RPL35: variants seen among roughly 807,000 people sequenced by gnomAD.
The protein encoded by RPL35 is large ribosomal subunit protein uL29.
In RPL35, 2 loss-of-function variants were observed where a neutral mutation model predicts 15.6. That is an observed-to-expected ratio of 0.13 (90% CI 0.05 to 0.40). The LOEUF (loss-of-function observed/expected upper bound fraction) is 0.40, where lower values mean the gene tolerates loss of function less well. Among genes scored for constraint, RPL35 ranks in the 10% least tolerant of loss-of-function variants. The pLI is 0.99. For synonymous variants in RPL35, 93 were observed against 67.9 expected, an observed-to-expected ratio of 1.37 and a Z score of -1.82; for missense variants, 111 against 164.7, an observed-to-expected ratio of 0.67 and a Z score of 1.79.
chr9:124,860,601 G>T (rs191352271), intron 2 of RPL35, among the ~76,000 whole-genome samples: 98 of 152,310 alleles, frequency 6.4e-4, no homozygotes, highest in African/African-American at 2.2e-3. Flanking sequence ...CAGGCAATCA[G>T]GCTAGCTTAG....
At chr9:124,859,694 G>A (rs570578343) in intron 3 of RPL35, among the ~76,000 whole-genome samples, 32 of 152,248 alleles carry the variant, frequency 2.1e-4, no homozygotes, top group Non-Finnish European at 1.6e-4. Flanking sequence ...CTAAGAGGGG[G>A]CCAGACACCT....
chr9:124,858,757 T>C (rs547043532), intron 3 of RPL35, among the ~76,000 whole-genome samples: 12 of 152,352 alleles, frequency 7.9e-5, no homozygotes, highest in African/African-American at 2.4e-4. Context: ...TGGGCCCCCT[T>C]CAGGACTGGG....
intron 1 of RPL35, 91 bp downstream of exon 1, chr9:124,861,819 G>A (rs571936665): frequency 1.4e-4 from 211 of 1,521,280 alleles, no homozygotes; most frequent in Non-Finnish European, 1.7e-4. Flanking sequence ...GGCCTAGGTG[G>A]CAGATAGAAT....
intron 1 of RPL35, 101 bp downstream of exon 1, chr9:124,861,809 G>A (rs778512958): frequency 1.3e-6 from 2 of 1,491,514 alleles, no homozygotes; most frequent in Non-Finnish European, 1.8e-6. Flanking sequence ...GCGCCCCACA[G>A]GCCTAGGTGG....
rs747337251 is a variant in RPL35 at position 124,861,903 on chromosome 9, C to T, written c.3+7G>A. ...GCTCGGATGGCGCCCGATTCCGCAG[C>T]TCTCACCATTGCTGCACAAGCCGCC... On this transcript the variant is annotated splice_region_variant and intron_variant, in intron 1 of 3. Coordinates refer to ENST00000348462, the MANE Select transcript of RPL35 (RefSeq NM_007209.4). The T allele has an allele frequency of 1.9e-6, 3 of 1,604,010 alleles. No homozygotes were observed. Among genetic ancestry groups the T allele is most frequent in the South Asian group, 2.2e-5 (2 of 90,020 alleles).
chr9:124,860,398 C>T (rs561493334), intron 2 of RPL35, 134 bp from the exon 3 acceptor site: 1 of 749,716 alleles, frequency 1.3e-6, no homozygotes, highest in Non-Finnish European at 2.4e-6. Context: ...GGAAGGCGTT[C>T]TGGGAGTGAG....
In RPL35 at chr9:124,861,198, C is replaced by T; in HGVS notation, c.140+221G>A. On this transcript the variant is annotated intron_variant, in intron 2 of 3. Coordinates refer to ENST00000348462, the MANE Select transcript of RPL35 (RefSeq NM_007209.4). ...AAGGGGTCCGGGTAGGCTTTGAAGGCAGCATTAAGATGGGTCTCCGGGGAT... is the reference window on the plus strand; with the variant it reads ...AAGGGGTCCGGGTAGGCTTTGAAGGTAGCATTAAGATGGGTCTCCGGGGAT... The T allele has an allele frequency of 7.3e-6, 4 of 551,252 alleles. No homozygotes were observed. The South Asian group carries it at 7.5e-5, about 10-fold the overall frequency. 34.1% of individuals were successfully genotyped at this position (551,252 alleles called of 1,614,324 possible).
chr9:124,860,068 G>T, intron 3 of RPL35, 115 bp downstream of exon 3: 1 of 767,614 alleles, frequency 1.3e-6, no homozygotes, highest in Non-Finnish European at 2.3e-6. Flanking sequence ...AAATTGGGAA[G>T]GCTAACCACT....
intron 1 of RPL35, 44 bp from the exon 2 acceptor site, chr9:124,861,599 T>C (rs1345692320): frequency 1.2e-6 from 2 of 1,604,674 alleles, no homozygotes; most frequent in African/African-American, 1.3e-5. Flanking sequence ...CGCGGGGCCA[T>C]ATCCCCTTCA....
chr9:124,861,752 C>A (rs976901392), intron 1 of RPL35, 158 bp downstream of exon 1: 97 of 1,334,446 alleles, frequency 7.3e-5, no homozygotes, highest in Non-Finnish European at 9.7e-5. Flanking sequence ...CCTCTCCCGG[C>A]GCCAAGCGAA....
Position 124,858,669 on chromosome 9 carries a change from GCC to G in RPL35, c.223-604_223-603del. 4.9e-6 allele frequency: 3 copies of G among 616,622 alleles called. No individual in the cohort carries two copies. In the South Asian group the frequency reaches 5.7e-5, roughly 12 times the overall value. 38.2% of individuals were successfully genotyped at this position (616,622 alleles called of 1,614,324 possible). A position where few individuals can be genotyped will look rare whatever the true frequency, so the allele number is the denominator to read the frequency against. On this transcript the variant is annotated intron_variant, in intron 3 of 3. Coordinates refer to ENST00000348462, the MANE Select transcript of RPL35 (RefSeq NM_007209.4). ...CTTTCCATCCTTGGCTCCCACTCCT[GCC>G]CCACTTGTTCTCCAGCAGGGGGTTC...
chr9:124,860,314 C>G, intron 2 of RPL35, 50 bp from the exon 3 acceptor site: 1 of 1,452,750 alleles, frequency 6.9e-7, no homozygotes, highest in Non-Finnish European at 9.7e-7. Flanking sequence ...TAGCACTACC[C>G]AAGACTCAGG....
At position 124,861,950 on chromosome 9, in the gene RPL35, G is replaced by T; in HGVS notation, c.-38C>A. 3.8e-6 allele frequency: 6 copies of T among 1,594,844 alleles called. No individual in the cohort carries two copies. The highest frequency in any genetic ancestry group is 1.1e-5 in the South Asian group (1 of 88,598). On this transcript the variant is annotated 5_prime_UTR_variant, in exon 1 of 4. Coordinates refer to ENST00000348462, the MANE Select transcript of RPL35 (RefSeq NM_007209.4). ...CGCCAACGCCGCCGCCCGCTCCGAG[G>T]GAAAGAGGAAGTAGGCGGGGCTGAC...
rs1262559579 is a variant in RPL35, at chr9:124,861,943, C to T, written c.-31G>A. On this transcript the variant is annotated 5_prime_UTR_variant, in exon 1 of 4. Coordinates refer to ENST00000348462, the MANE Select transcript of RPL35 (RefSeq NM_007209.4). ...CACAAGCCGCCAACGCCGCCGCCCG[C>T]TCCGAGGGAAAGAGGAAGTAGGCGG... The T allele has an allele frequency of 6.3e-7, 1 of 1,597,632 alleles. No individual in the cohort carries two copies. Among genetic ancestry groups the T allele is most frequent in the African/African-American group, 1.3e-5 (1 of 74,126 alleles).
At chr9:124,861,695 C>A in intron 1 of RPL35, 140 bp from the exon 2 acceptor site, 1 of 1,381,552 alleles carries the variant, frequency 7.2e-7, no homozygotes, top group East Asian at 2.4e-5. Flanking sequence ...GACAGTCTCC[C>A]TCGCCGGCCG....
intron 1 of RPL35, 45 bp downstream of exon 1, chr9:124,861,865 C>A: frequency 6.2e-7 from 1 of 1,600,118 alleles, no homozygotes. Flanking sequence ...CCCCAACCCC[C>A]GCGCCTCACA....
In RPL35 at chr9:124,860,239, G is replaced by C; in HGVS notation, c.166C>G (p.Arg56Gly). The change falls in exon 3 of 4, where the codon CGT becomes GGT. Residue 56 changes from arginine (R) to glycine (G), a missense_variant. Transcript: ENST00000348462. ...KIRVVRKSIA[R>G]VLTVINQTQK... is the part of the protein sequence containing the mutation. Reference sequence around the variant, plus strand: ...GTCTGGTTAATAACTGTGAGAACACGGGCAATGGATTTCCGGACGACTCGG... The same window carrying C: ...GTCTGGTTAATAACTGTGAGAACACCGGCAATGGATTTCCGGACGACTCGG... The C allele has an allele frequency of 6.2e-7, 1 of 1,614,002 alleles. No homozygotes were observed. Among genetic ancestry groups the C allele is most frequent in the East Asian group, 2.2e-5 (1 of 44,890 alleles).
At chr9:124,861,084 T>C (rs1474724953) in intron 2 of RPL35, 1 of 275,128 alleles carries the variant, frequency 3.6e-6, no homozygotes, top group Non-Finnish European at 7.0e-6. Flanking sequence ...CTCTTAGCCA[T>C]GTAAAATAAC....
At position 124,860,189 on chromosome 9, in the gene RPL35, G is replaced by C; in HGVS notation, c.216C>G (p.Phe72Leu). 6.2e-7 allele frequency: 1 copy of C among 1,612,966 alleles called. No homozygotes were observed. Among genetic ancestry groups the C allele is most frequent in the Non-Finnish European group, 8.5e-7 (1 of 1,178,944 alleles). ...NQTQKENLRKFYKGKKYKPLD... is the reference protein window; with the variant it reads ...NQTQKENLRKLYKGKKYKPLD... The stretch of plus-strand genomic sequence containing the variant: ...TATGTCCAGGCAGACTCACCTTGTA[G>C]AATTTCCTGAGGTTTTCTTTCTGAG... The change falls in exon 3 of 4, where the codon TTC becomes TTG. Residue 72 changes from phenylalanine (F) to leucine (L), a missense_variant. Transcript: ENST00000348462.
Sources: allele counts gnomAD v4.1 joint callset (sites outside exome capture counted in the v4.1 genomes callset), GRCh38; gene constraint gnomAD v4.1.1; transcripts MANE v1.5; gene names NCBI Gene and HGNC (gene_info 2026-07-23, HGNC 2026-07-21).